CHMP2B: variants seen among roughly 807,000 people sequenced by gnomAD.
CHMP2B encodes VPS2 homolog B.
A neutral mutation model predicts 29.8 loss-of-function variants in CHMP2B; 22 were observed. That is an observed-to-expected ratio of 0.74 (90% CI 0.53 to 1.05). The LOEUF (loss-of-function observed/expected upper bound fraction) is 1.05. CHMP2B is among the 50% of genes least tolerant of loss of function. The pLI is 0.00. For synonymous variants in CHMP2B, 78 were observed against 75.8 expected, an observed-to-expected ratio of 1.03 and a Z score of -0.15; for missense variants, 261 against 252.2, an observed-to-expected ratio of 1.03 and a Z score of -0.24.
chr3:87,240,700 T>C lies in CHMP2B; in HGVS notation c.36T>C (p.Asp12=), dbSNP rs141196445. ...AGGTTTCTTTTGTGATTCTCCTAGA[T>C]GTAATAAAGGAACAGAATCGAGAGT... The part of the protein sequence containing the change: ...ASLFKKKTVD[D]VIKEQNRELR... The change falls in exon 2 of 6, where the codon GAT becomes GAC. Residue 12 remains aspartate (D), a splice_region_variant and synonymous_variant. Coordinates refer to ENST00000263780, the MANE Select transcript of CHMP2B (RefSeq NM_014043.4). 3 of 1,603,930 alleles carry C rather than the reference T, an allele frequency of 1.9e-6. No homozygotes were observed. Among genetic ancestry groups the C allele is most frequent in the Non-Finnish European group, 2.6e-6 (3 of 1,170,928 alleles).
In CHMP2B at chr3:87,246,082, TTTA is replaced by T. The variant is rs1246761855; in HGVS notation, c.321+177_321+179del. Reference sequence around the variant, plus strand: ...AATCCAGGTAATTACTTCTAGATTCTTTATTGATATGTTTTAATACAAAATTTC... The same window carrying T: ...AATCCAGGTAATTACTTCTAGATTCTTTGATATGTTTTAATACAAAATTTC... On this transcript the variant is annotated intron_variant, in intron 3 of 5. Transcript: ENST00000263780. Among the ~76,000 whole-genome samples, 4 of 152,278 alleles carry T rather than the reference TTTA, an allele frequency of 2.6e-5. No homozygotes were observed. In the East Asian group the frequency reaches 7.7e-4, roughly 29 times the overall value.
intron 4 of CHMP2B, among the ~76,000 whole-genome samples, chr3:87,251,251 T>C (rs1276945751): frequency 1.3e-5 from 2 of 151,954 alleles, no homozygotes; most frequent in East Asian, 3.8e-4. Flanking sequence ...CTGTAGTTTT[T>C]ACTTCAGGCC....
chr3:87,228,285 G>A (rs1705850096), intron 1 of CHMP2B, among the ~76,000 whole-genome samples: 1 of 152,168 alleles, frequency 6.6e-6, no homozygotes, highest in South Asian at 2.1e-4. Flanking sequence ...TGAATGTAAA[G>A]GAATGTACAA....
chr3:87,243,480 G>C (rs1019780198), intron 2 of CHMP2B, among the ~76,000 whole-genome samples: 2 of 151,936 alleles, frequency 1.3e-5, no homozygotes, highest in African/African-American at 4.8e-5. Context: ...TTTGATATCA[G>C]GGTAATAATG....
In CHMP2B at chr3:87,227,415, C is replaced by G. The variant is rs1198064133; in HGVS notation, c.-108C>G. 6 of 1,341,160 alleles carry G rather than the reference C, an allele frequency of 4.5e-6. No individual in the cohort carries two copies. Among genetic ancestry groups the G allele is most frequent in the African/African-American group, 1.4e-5 (1 of 69,340 alleles). 83.1% of individuals were successfully genotyped at this position (1,341,160 alleles called of 1,614,324 possible). On this transcript the variant is annotated 5_prime_UTR_variant, in exon 1 of 6. Coordinates refer to ENST00000263780, the MANE Select transcript of CHMP2B (RefSeq NM_014043.4). ...ACCCCGACCTCCTCCTGCTGTCTCT[C>G]CGCTCCGCCACCCCGAACCCGCCAA...
intron 4 of CHMP2B, among the ~76,000 whole-genome samples, chr3:87,250,927 A>G (rs908741931): frequency 2.0e-5 from 3 of 151,944 alleles, no homozygotes; most frequent in Non-Finnish European, 2.9e-5. Flanking sequence ...CGTCAACATT[A>G]GATTATTGCT....
intron 1 of CHMP2B, among the ~76,000 whole-genome samples, chr3:87,234,204 A>G (rs1705958854): frequency 1.3e-5 from 2 of 152,218 alleles, no homozygotes; most frequent in South Asian, 2.1e-4. Context: ...GCATGATTCA[A>G]GTTGGGGCTT....
chr3:87,233,639 A>G (rs1705945405), intron 1 of CHMP2B, among the ~76,000 whole-genome samples: 1 of 152,130 alleles, frequency 6.6e-6, no homozygotes, highest in Non-Finnish European at 1.5e-5. Flanking sequence ...AGTGCCCACT[A>G]TTCCCACTGA....
At position 87,253,859 on chromosome 3, in the gene CHMP2B, A is replaced by G; in HGVS notation, c.*37A>G. ...CATACTATTTTGCTTACTTATAATT[A>G]TGTAGTATAAACCAAGCACAGTGCA... On this transcript the variant is annotated 3_prime_UTR_variant, in exon 6 of 6. Transcript: ENST00000263780. 2.7e-6 allele frequency: 4 copies of G among 1,467,056 alleles called. No individual in the cohort carries two copies. The highest frequency in any genetic ancestry group is 3.8e-6 in the Non-Finnish European group (4 of 1,049,608). The allele number at this position is 1,467,056 out of a possible 1,614,324, so 90.9% of individuals were successfully genotyped here. A position where few individuals can be genotyped will look rare whatever the true frequency, so the allele number is the denominator to read the frequency against.
At position 87,254,064 on chromosome 3, in the gene CHMP2B, T is replaced by G; in HGVS notation, c.*242T>G. On this transcript the variant is annotated 3_prime_UTR_variant, in exon 6 of 6. Transcript: ENST00000263780. ...TTTAGGAGTGATGATGTGTAAAAAG[T>G]TGACTTCTCTTTTGCATGGCACAGA... The G allele has an allele frequency of 2.5e-6, 1 of 399,878 alleles. No individual in the cohort carries two copies. Among genetic ancestry groups the G allele is most frequent in the Admixed American group, 3.9e-5 (1 of 25,750 alleles). The allele number at this position is 399,878 out of a possible 1,614,324, so 24.8% of individuals were successfully genotyped here. A position where few individuals can be genotyped will look rare whatever the true frequency, so the allele number is the denominator to read the frequency against.
intron 2 of CHMP2B, among the ~76,000 whole-genome samples, chr3:87,243,123 G>A (rs1706150983): frequency 6.6e-6 from 1 of 151,926 alleles, no homozygotes; most frequent in African/African-American, 2.4e-5. Context: ...CCATTATTTA[G>A]ATCTCCATTT....
intron 2 of CHMP2B, among the ~76,000 whole-genome samples, chr3:87,242,416 C>A (rs1171556876): frequency 6.6e-6 from 1 of 152,054 alleles, no homozygotes; most frequent in African/African-American, 2.4e-5. Context: ...TGCAGATCTT[C>A]TGTCTACTTG....
rs979487576 is a variant in CHMP2B at position 87,229,668 on chromosome 3, G to A, written c.34+2112G>A. Among the ~76,000 whole-genome samples, 12 of 152,124 alleles carry A rather than the reference G, an allele frequency of 7.9e-5. No homozygotes were observed. The East Asian group carries it at 1.9e-3, about 25-fold the overall frequency. On this transcript the variant is annotated intron_variant, in intron 1 of 5. Coordinates refer to ENST00000263780, the MANE Select transcript of CHMP2B (RefSeq NM_014043.4). ...AATGTATTTTTATGTCTCTCAGATC[G>A]TTGGATTGATCATGAGCTCTTTTAT...
At chr3:87,240,525 G>GTC in intron 1 of CHMP2B, 174 bp from the exon 2 acceptor site, 2 of 535,262 alleles carry the variant, frequency 3.7e-6, no homozygotes, top group South Asian at 3.8e-5. Context: ...GGTCAGGCTG[G>GTC]TCTCGAACTC....
intron 4 of CHMP2B, among the ~76,000 whole-genome samples, chr3:87,251,747 C>T (rs1482301410): frequency 6.6e-6 from 1 of 151,916 alleles, no homozygotes; most frequent in East Asian, 1.9e-4. Context: ...AAATCTTATA[C>T]TATACCTCTG....
At chr3:87,247,004 G>A (rs1351808089) in intron 3 of CHMP2B, among the ~76,000 whole-genome samples, 1 of 152,164 alleles carries the variant, frequency 6.6e-6, no homozygotes, top group Non-Finnish European at 1.5e-5. Flanking sequence ...ACAGAAGAGG[G>A]ATTGTGAATA....
rs1373252205 is a variant in CHMP2B, at chr3:87,254,475, A to G, written c.*653A>G. The G allele has an allele frequency of 6.6e-6, 1 of 152,390 alleles. No individual in the cohort carries two copies. The highest frequency in any genetic ancestry group is 2.4e-5 in the African/African-American group (1 of 41,356). 9.4% of individuals were successfully genotyped at this position (152,390 alleles called of 1,614,324 possible). A position where few individuals can be genotyped will look rare whatever the true frequency, so the allele number is the denominator to read the frequency against. On this transcript the variant is annotated 3_prime_UTR_variant, in exon 6 of 6. Coordinates refer to ENST00000263780, the MANE Select transcript of CHMP2B (RefSeq NM_014043.4). ...ATCTTTAAATTATTTCAGCTGGCAG[A>G]AAAGAATTACATTTAAAACTGAAAT...
At chr3:87,228,691 A>T (rs1301854822) in intron 1 of CHMP2B, among the ~76,000 whole-genome samples, 1 of 152,192 alleles carries the variant, frequency 6.6e-6, no homozygotes, top group Non-Finnish European at 1.5e-5. Flanking sequence ...AGATGACATA[A>T]TACATTTTTC....
intron 1 of CHMP2B, among the ~76,000 whole-genome samples, chr3:87,237,582 C>G (rs1460255948): frequency 6.6e-6 from 1 of 152,164 alleles, no homozygotes; most frequent in African/African-American, 2.4e-5. Flanking sequence ...CCAATCCATG[C>G]TCTAGGGGAC....
Sources: gnomAD v4.1 joint callset for allele counts (sites outside exome capture counted in the v4.1 genomes callset) on GRCh38, gnomAD v4.1.1 for gene constraint, MANE v1.5 for transcripts, NCBI Gene and HGNC (gene_info 2026-07-23, HGNC 2026-07-21) for gene names.